EVC2: variants seen among roughly 807,000 people sequenced by gnomAD.
The protein encoded by EVC2 is limbin.
EVC2 carries 148 observed loss-of-function variants against 149.3 expected under a neutral mutation model. The ratio of observed to expected loss-of-function variants is 0.99; its 90% confidence interval spans 0.87 to 1.14. The LOEUF is 1.14. EVC2 is among the 50% of genes most tolerant of loss of function. The probability of loss-of-function intolerance (pLI) is 0.00; values close to 1 mark genes in which losing one functional copy is unlikely to be tolerated. For synonymous variants in EVC2, 776 were observed against 649.9 expected (o/e 1.19, Z -2.95); for missense variants, 1,854 against 1,627.3 (o/e 1.14, Z -2.40).
At chr4:5,539,852 A>C (rs1721484584), downstream of EVC2, among the ~76,000 whole-genome samples, 1 of 152,176 alleles carries the variant, frequency 6.6e-6, no homozygotes, top group South Asian at 2.1e-4. Flanking sequence ...CCAAAGCAAA[A>C]TCCATAAAAG....
In EVC2 at chr4:5,708,286, C is replaced by A; in HGVS notation, c.228G>T (p.Gln76His). ...RSGAGPESST[Q>H]DLPCMIWPKV... ...GAGCCTGGGGTCGGGCCCTCCTTACCTGCGTGCTGCTCTCGGGCCCCGCCC... is the reference window on the plus strand; with the variant it reads ...GAGCCTGGGGTCGGGCCCTCCTTACATGCGTGCTGCTCTCGGGCCCCGCCC... The change falls in exon 1 of 22, where the codon CAG becomes CAT. Residue 76 changes from glutamine (Q) to histidine (H), a missense_variant and splice_region_variant. Physicochemically the swap from Gln to His is conservative, Grantham distance 24 (BLOSUM62 0). Transcript: ENST00000344408. 6.8e-7 allele frequency: 1 copy of A among 1,479,128 alleles called. No individual in the cohort carries two copies. The highest frequency in any genetic ancestry group is 8.9e-7 in the Non-Finnish European group (1 of 1,120,220). The allele number at this position is 1,479,128 out of a possible 1,614,324, so 91.6% of individuals were successfully genotyped here.
intron 7 of EVC2, among the ~76,000 whole-genome samples, chr4:5,665,935 A>T (rs1014565938): frequency 6.6e-6 from 1 of 152,156 alleles, no homozygotes; most frequent in Non-Finnish European, 1.5e-5. Context: ...GACACTCAAG[A>T]ATGTTAAGTT....
intron 3 of EVC2, among the ~76,000 whole-genome samples, chr4:5,692,934 C>T (rs1232218302): frequency 4.6e-5 from 7 of 151,274 alleles, no homozygotes; most frequent in Admixed American, 2.0e-4. Flanking sequence ...AAAGAACACG[C>T]GGACAATATG....
At position 5,614,799 on chromosome 4, in the gene EVC2, G is replaced by A. The variant is rs1451211144; in HGVS notation, c.2829+623C>T. Among the ~76,000 whole-genome samples, 1 of 150,254 alleles carries A rather than the reference G, an allele frequency of 6.7e-6. No individual in the cohort carries two copies. Among genetic ancestry groups the A allele is most frequent in the Non-Finnish European group, 1.5e-5 (1 of 67,890 alleles). On this transcript the variant is annotated intron_variant, in intron 16 of 21. Coordinates refer to ENST00000344408, the MANE Select transcript of EVC2 (RefSeq NM_147127.5). The surrounding 1 kb of genome is among the most constrained non-coding windows in gnomAD (Gnocchi z 4.7). Reference sequence around the variant, plus strand: ...TTGAGACCAATCTGGCCAACATGGTGAAACCACATGTCTACTAAAAATACA... The same window carrying A: ...TTGAGACCAATCTGGCCAACATGGTAAAACCACATGTCTACTAAAAATACA...
chr4:5,598,978 C>T (rs542292997), intron 16 of EVC2, among the ~76,000 whole-genome samples: 12 of 152,210 alleles, frequency 7.9e-5, no homozygotes, highest in Admixed American at 4.6e-4. Context: ...AAATGCTCAC[C>T]ATCACTGGCC....
At chr4:5,668,053 C>T (rs1039283379) in intron 7 of EVC2, among the ~76,000 whole-genome samples, 1 of 152,130 alleles carries the variant, frequency 6.6e-6, no homozygotes, top group African/African-American at 2.4e-5. Context: ...ATATTATACC[C>T]CAAACTCTGC....
intron 17 of EVC2, among the ~76,000 whole-genome samples, chr4:5,583,046 T>C (rs2108786175): frequency 6.6e-6 from 1 of 152,304 alleles, no homozygotes; most frequent in Admixed American, 6.5e-5. Flanking sequence ...TTACCCAGTC[T>C]CAGGGTATTT....
chr4:5,651,301 G>A (rs567524093), intron 9 of EVC2, among the ~76,000 whole-genome samples: 3 of 152,018 alleles, frequency 2.0e-5, no homozygotes, highest in Non-Finnish European at 4.4e-5. Flanking sequence ...GTGGACAGAT[G>A]GGTGAATGGG....
intron 1 of EVC2, among the ~76,000 whole-genome samples, chr4:5,698,246 A>G (rs1037457933): frequency 6.6e-6 from 1 of 152,092 alleles, no homozygotes; most frequent in Non-Finnish European, 1.5e-5. Context: ...CCTGGGTTCA[A>G]ACGTTAGCCC....
chr4:5,563,748 G>A lies in EVC2; in HGVS notation c.3660-633C>T, dbSNP rs188941827. Reference sequence around the variant, plus strand: ...GGAAACTGGCAAATGCTACAAATCAGAAACCACTGCCCCCCTCCCCACAAG... The same window carrying A: ...GGAAACTGGCAAATGCTACAAATCAAAAACCACTGCCCCCCTCCCCACAAG... On this transcript the variant is annotated intron_variant, in intron 21 of 21. Transcript: ENST00000344408. Among the ~76,000 whole-genome samples, 44 of 152,138 alleles carry A rather than the reference G, an allele frequency of 2.9e-4. No individual in the cohort carries two copies. The East Asian group carries it at 7.4e-3, about 25-fold the overall frequency.
rs964334746 is a variant in EVC2, at chr4:5,696,653, G to A, written c.283+940C>T. On this transcript the variant is annotated intron_variant, in intron 2 of 21. Coordinates refer to ENST00000344408, the MANE Select transcript of EVC2 (RefSeq NM_147127.5). The surrounding 1 kb of genome is among the most constrained non-coding windows in gnomAD (Gnocchi z 4.1). ...GAAAGATGCTCACCAGAGGAAAGCA[G>A]GGCGGCTGAGAGGGAAGGAGAAAGG... 1.3e-5 allele frequency among the ~76,000 whole-genome samples: 2 copies of A among 152,222 alleles called. No homozygotes were observed. The highest frequency in any genetic ancestry group is 2.9e-5 in the Non-Finnish European group (2 of 68,046).
rs1722904696 is a variant in EVC2, at chr4:5,576,101, C to T, written c.3272+139G>A. 2.2e-6 allele frequency: 3 copies of T among 1,340,512 alleles called. No individual in the cohort carries two copies. The highest frequency in any genetic ancestry group is 1.8e-5 in the Admixed American group (1 of 54,812). The allele number at this position is 1,340,512 out of a possible 1,614,324, so 83.0% of individuals were successfully genotyped here. A position where few individuals can be genotyped will look rare whatever the true frequency, so the allele number is the denominator to read the frequency against. On this transcript the variant is annotated intron_variant, in intron 18 of 21. Transcript: ENST00000344408. The surrounding 1 kb of genome is among the most constrained non-coding windows in gnomAD (Gnocchi z 4.5). ...AGAGTATGCTACAAAGCCAGCAGCT[C>T]GTGTTGGAGCAATGGGATGACACCT...
downstream of EVC2, among the ~76,000 whole-genome samples, chr4:5,558,428 T>C (rs190198407): frequency 1.2e-4 from 18 of 152,346 alleles, no homozygotes; most frequent in African/African-American, 4.3e-4. Flanking sequence ...AACTACTTTG[T>C]ATGATAGTGT....
At chr4:5,662,561 AAATAT>A (rs1025814041) in intron 9 of EVC2, among the ~76,000 whole-genome samples, 3 of 130,182 alleles carry the variant, frequency 2.3e-5, no homozygotes, top group Admixed American at 7.8e-5. Flanking sequence ...TAAATATATT[AAATAT>A]AATATATATT....
chr4:5,591,140 G>C (rs192541423), intron 16 of EVC2, among the ~76,000 whole-genome samples: 2 of 152,302 alleles, frequency 1.3e-5, no homozygotes, highest in African/African-American at 4.8e-5. Flanking sequence ...AATGACACTT[G>C]TGCATGTTTC....
In EVC2 at chr4:5,594,084, G is replaced by C. The variant is rs2108800640; in HGVS notation, c.2830-9234C>G. Among the ~76,000 whole-genome samples the C allele has an allele frequency of 2.0e-5, 3 of 152,282 alleles. No homozygotes were observed. In the South Asian group the frequency reaches 6.2e-4, roughly 32 times the overall value. On this transcript the variant is annotated intron_variant, in intron 16 of 21. Transcript: ENST00000344408. ...GCAGCCCGGAAGCTCAAACTGGGTG[G>C]AGCCCACCACAGCTCAAGCAGGCCT...
rs1718611404 is a variant in EVC2, at chr4:5,657,640, G to A, written c.1145+5467C>T. On this transcript the variant is annotated intron_variant, in intron 9 of 21. Transcript: ENST00000344408. This position sits in a 1 kb window ranked among gnomAD's most constrained non-coding sequence, Gnocchi z 4.7. The stretch of plus-strand genomic sequence containing the variant: ...GCACCTACTGTGCCAGGCACTGTTG[G>A]AGGCACTGGGGATGAATCAGCAAGC... 6.6e-6 allele frequency among the ~76,000 whole-genome samples: 1 copy of A among 151,420 alleles called. No individual in the cohort carries two copies. Among genetic ancestry groups the A allele is most frequent in the African/African-American group, 2.4e-5 (1 of 41,172 alleles).
At chr4:5,650,665 A>AGG (rs1282824496) in intron 9 of EVC2, among the ~76,000 whole-genome samples, 11 of 143,580 alleles carry the variant, frequency 7.7e-5, no homozygotes, top group Non-Finnish European at 1.2e-4. Context: ...AGAGAGAGAG[A>AGG]GAGAGAGCCA....
At chr4:5,675,207 C>T (rs1449021286) in intron 7 of EVC2, among the ~76,000 whole-genome samples, 1 of 152,216 alleles carries the variant, frequency 6.6e-6, no homozygotes, top group Non-Finnish European at 1.5e-5. Context: ...AAGTTTCTCA[C>T]TTATCTGAGT....
Sources: gnomAD v4.1 joint callset for allele counts (sites outside exome capture counted in the v4.1 genomes callset) on GRCh38, gnomAD v4.1.1 for gene constraint, Gnocchi (gnomAD v3.1) non-coding constraint, MANE v1.5 for transcripts, NCBI Gene and HGNC (gene_info 2026-07-23, HGNC 2026-07-21) for gene names.